The following PCNX2 variants were observed in gnomAD, a reference collection of about 807,000 sequenced individuals.
The protein encoded by PCNX2 is pecanex 2.
In PCNX2, 168 loss-of-function variants were observed where a neutral mutation model predicts 223.8. The ratio of observed to expected loss-of-function variants is 0.75; its 90% CI spans 0.66 to 0.85. The LOEUF (loss-of-function observed/expected upper bound fraction) is 0.85, where lower values mean the gene tolerates loss of function less well. Among genes scored for constraint, PCNX2 ranks in the 40% least tolerant of loss-of-function variants. PCNX2 has a pLI of 0.00. For missense variants in PCNX2, 2,507 were observed against 2,675.5 expected (o/e 0.94, Z 1.39); for synonymous variants, 1,006 against 1,052.6 (o/e 0.96, Z 0.86).
At chr1:233,107,971 A>C (rs1414851915) in intron 21 of PCNX2, among the ~76,000 whole-genome samples, 4 of 152,110 alleles carry the variant, frequency 2.6e-5, no homozygotes, top group Non-Finnish European at 5.9e-5. Flanking sequence ...GATGAGCGTG[A>C]CCTCTGTAGT....
intron 1 of PCNX2, among the ~76,000 whole-genome samples, chr1:233,281,383 T>C (rs932133655): frequency 1.3e-5 from 2 of 152,300 alleles, no homozygotes; most frequent in East Asian, 3.9e-4. Flanking sequence ...GGGAAAGAAC[T>C]GAAACACACA....
intron 25 of PCNX2, chr1:233,032,171 T>C (rs887869813): frequency 3.0e-6 from 2 of 656,892 alleles, no homozygotes; most frequent in Non-Finnish European, 3.8e-6. Flanking sequence ...GGCGCGATCT[T>C]GGCTTACCAC....
chr1:233,048,011 T>TA (rs770406280), intron 25 of PCNX2, among the ~76,000 whole-genome samples: 15 of 152,188 alleles, frequency 9.9e-5, no homozygotes, highest in Non-Finnish European at 1.8e-4. Context: ...ATCATCCATA[T>TA]TCTTGGACCA....
intron 1 of PCNX2, among the ~76,000 whole-genome samples, chr1:233,277,093 G>C (rs571333130): frequency 6.6e-6 from 1 of 152,154 alleles, no homozygotes; most frequent in Non-Finnish European, 1.5e-5. Flanking sequence ...AGTGTGCAAA[G>C]GATACAAATC....
chr1:233,224,250 G>C (rs1446783292), intron 10 of PCNX2, among the ~76,000 whole-genome samples: 1 of 152,218 alleles, frequency 6.6e-6, no homozygotes, highest in Non-Finnish European at 1.5e-5. Context: ...GAAGGAAAGG[G>C]TAATGGCAAG....
At chr1:233,009,958 T>C (rs1424354737) in intron 28 of PCNX2, among the ~76,000 whole-genome samples, 1 of 152,244 alleles carries the variant, frequency 6.6e-6, no homozygotes, top group Non-Finnish European at 1.5e-5. Flanking sequence ...CTATCATTTT[T>C]TCCCCCTATG....
At chr1:233,083,825 T>A (rs1226657124) in intron 23 of PCNX2, among the ~76,000 whole-genome samples, 2 of 152,198 alleles carry the variant, frequency 1.3e-5, no homozygotes, top group Non-Finnish European at 2.9e-5. Flanking sequence ...GCAGGCTGGC[T>A]ATGGATGTGA....
intron 25 of PCNX2, chr1:233,033,115 T>C (rs1451519765): frequency 1.0e-6 from 1 of 985,292 alleles, no homozygotes; most frequent in African/African-American, 1.7e-5. Context: ...AATGTCAAGC[T>C]GGCAAGGCTG....
At chr1:233,150,504 T>C (rs1677733478) in intron 19 of PCNX2, among the ~76,000 whole-genome samples, 1 of 152,222 alleles carries the variant, frequency 6.6e-6, no homozygotes, top group African/African-American at 2.4e-5. Context: ...TTTCAAGGAA[T>C]AAAAACTTTC....
chr1:233,313,824 G>A, the PCNX2 span, among the ~76,000 whole-genome samples: 1,533 of 152,250 alleles, frequency 0.01, 24 homozygotes, highest in African/African-American at 0.034. Flanking sequence ...AATAAGCAAC[G>A]CACTTTACAA....
intron 26 of PCNX2, 62 bp from the exon 27 acceptor site, chr1:233,017,216 T>C (rs1354435183): frequency 9.0e-6 from 12 of 1,329,358 alleles, no homozygotes; most frequent in East Asian, 2.5e-5. Flanking sequence ...TAAATCAACC[T>C]CAGGAAAGTA....
At chr1:233,207,142 G>T (rs1474398231) in intron 13 of PCNX2, among the ~76,000 whole-genome samples, 1 of 152,180 alleles carries the variant, frequency 6.6e-6, no homozygotes, top group Non-Finnish European at 1.5e-5. Flanking sequence ...GAGTAAGAAT[G>T]AAGAGTTCAC....
At chr1:233,160,050 C>T (rs1042503254) in intron 19 of PCNX2, among the ~76,000 whole-genome samples, 1 of 152,164 alleles carries the variant, frequency 6.6e-6, no homozygotes, top group Non-Finnish European at 1.5e-5. Flanking sequence ...CTGGCTTTAA[C>T]TTTCTTGTTA....
At chr1:233,215,055 T>C (rs1279977842) in intron 12 of PCNX2, among the ~76,000 whole-genome samples, 1 of 152,154 alleles carries the variant, frequency 6.6e-6, no homozygotes, top group Non-Finnish European at 1.5e-5. Flanking sequence ...TGCAAAATAG[T>C]GCCGTCTGAA....
At chr1:233,321,145 A>G in the PCNX2 span, among the ~76,000 whole-genome samples, 3 of 149,424 alleles carry the variant, frequency 2.0e-5, no homozygotes, top group Non-Finnish European at 4.4e-5. Flanking sequence ...CAGCCTCCCG[A>G]GTAGCTGGAA....
chr1:233,135,219 C>G (rs1401068453), intron 20 of PCNX2, 29 bp from the exon 21 acceptor site: 1 of 1,599,370 alleles, frequency 6.3e-7, no homozygotes, highest in Non-Finnish European at 8.5e-7. Context: ...AAGATGCAAT[C>G]AATGACAGTG....
At chr1:233,246,783 C>T (rs952306531) in intron 8 of PCNX2, among the ~76,000 whole-genome samples, 3 of 152,118 alleles carry the variant, frequency 2.0e-5, no homozygotes, top group Non-Finnish European at 4.4e-5. Flanking sequence ...AGAGATACAG[C>T]GATGACACCC....
At chr1:233,082,660 A>T (rs1416720037) in intron 23 of PCNX2, among the ~76,000 whole-genome samples, 1 of 152,206 alleles carries the variant, frequency 6.6e-6, no homozygotes, top group Non-Finnish European at 1.5e-5. Flanking sequence ...GTACTTAAGA[A>T]AAAAAATTGC....
chr1:233,249,694 T>C (rs557809426), intron 8 of PCNX2, among the ~76,000 whole-genome samples: 1 of 152,348 alleles, frequency 6.6e-6, no homozygotes, highest in South Asian at 2.1e-4. Context: ...CAGTCTGCTT[T>C]AATGCAAAGC....
Sources: gnomAD v4.1 joint callset for allele counts (sites outside exome capture counted in the v4.1 genomes callset) on GRCh38, gnomAD v4.1.1 for gene constraint, MANE v1.5 for transcripts, NCBI Gene and HGNC (gene_info 2026-07-23, HGNC 2026-07-21) for gene names.